Variants in DLGAP1 observed in about 807,000 individuals in gnomAD.
DLGAP1 encodes the protein DLG associated protein 1.
DLGAP1 carries 11 observed loss-of-function variants against 90.8 expected under a neutral mutation model. The ratio of observed to expected loss-of-function variants is 0.12; its 90% CI spans 0.08 to 0.20. The LOEUF is 0.20. DLGAP1 is among the 10% of genes least tolerant of loss of function. DLGAP1 has a pLI of 1.00. For missense variants in DLGAP1, 1,050 were observed against 1,333.8 expected (o/e 0.79, Z 3.31); for synonymous variants, 558 against 540.7 (o/e 1.03, Z -0.44).
intron 2 of DLGAP1, among the ~76,000 whole-genome samples, chr18:4,081,859 A>T (rs2075613165): frequency 1.3e-5 from 2 of 152,138 alleles, no homozygotes; most frequent in African/African-American, 2.4e-5. Context: ...CCTAAAAATC[A>T]TTTACTATGC....
At chr18:4,396,738 T>C (rs1278355481) in intron 1 of DLGAP1, among the ~76,000 whole-genome samples, 1 of 152,152 alleles carries the variant, frequency 6.6e-6, no homozygotes, top group Non-Finnish European at 1.5e-5. Flanking sequence ...TTTTACCACG[T>C]GAGCCAGAAG....
At chr18:3,886,721 A>G (rs2071325397) in intron 3 of DLGAP1, among the ~76,000 whole-genome samples, 1 of 152,210 alleles carries the variant, frequency 6.6e-6, no homozygotes, top group African/African-American at 2.4e-5. Flanking sequence ...GAGAAAGAAA[A>G]GATTTTCTTG....
intron 4 of DLGAP1, among the ~76,000 whole-genome samples, chr18:3,856,063 A>G (rs1300671175): frequency 1.3e-5 from 2 of 152,178 alleles, no homozygotes; most frequent in Non-Finnish European, 2.9e-5. Context: ...ATCACTGGTA[A>G]TATGTGCAAG....
chr18:4,429,415 T>C (rs1396845600), intron 1 of DLGAP1, among the ~76,000 whole-genome samples: 2 of 152,230 alleles, frequency 1.3e-5, no homozygotes, highest in Non-Finnish European at 2.9e-5. Context: ...TCATTTTTTA[T>C]AAAGTGAACA....
intron 1 of DLGAP1, among the ~76,000 whole-genome samples, chr18:4,420,270 A>T (rs944090971): frequency 6.6e-6 from 1 of 152,202 alleles, no homozygotes; most frequent in Non-Finnish European, 1.5e-5. Context: ...TGACAGAACA[A>T]GTACATAGTA....
At chr18:3,700,266 G>C (rs1158311849) in intron 7 of DLGAP1, among the ~76,000 whole-genome samples, 1 of 152,174 alleles carries the variant, frequency 6.6e-6, no homozygotes, top group South Asian at 2.1e-4. Flanking sequence ...GCACCCAAGG[G>C]AATCTCCTGG....
At chr18:3,525,967 G>A (rs1184869335) in intron 10 of DLGAP1, among the ~76,000 whole-genome samples, 6 of 152,168 alleles carry the variant, frequency 3.9e-5, no homozygotes, top group Non-Finnish European at 7.3e-5. Context: ...TGGCACCAGC[G>A]CTGTGCAAAG....
chr18:4,004,514 C>A (rs4798155), intron 3 of DLGAP1, among the ~76,000 whole-genome samples: 33,175 of 151,922 alleles, frequency 0.22, 3,703 homozygotes, highest in African/African-American at 0.23. Flanking sequence ...CCCTGAAATA[C>A]ACATGAATTA....
At chr18:4,226,513 GATATAA>G (rs1370048141) in intron 1 of DLGAP1, among the ~76,000 whole-genome samples, 1 of 151,832 alleles carries the variant, frequency 6.6e-6, no homozygotes, top group Non-Finnish European at 1.5e-5. Context: ...GGTATAATAA[GATATAA>G]ATAGAAATAA....
chr18:4,388,087 C>T (rs966510205), intron 1 of DLGAP1, among the ~76,000 whole-genome samples: 4 of 151,810 alleles, frequency 2.6e-5, no homozygotes, highest in East Asian at 1.9e-4. Context: ...GTGTGGAGGA[C>T]GGAGTGGAAG....
chr18:3,854,054 T>C (rs1019751849), intron 4 of DLGAP1, among the ~76,000 whole-genome samples: 2 of 152,210 alleles, frequency 1.3e-5, no homozygotes, highest in Non-Finnish European at 2.9e-5. Flanking sequence ...ATCTTCTTTA[T>C]GTTCTTAGGT....
At chr18:3,841,450 G>A (rs1008827036) in intron 4 of DLGAP1, among the ~76,000 whole-genome samples, 1 of 152,152 alleles carries the variant, frequency 6.6e-6, no homozygotes, top group Non-Finnish European at 1.5e-5. Context: ...ATGAACACTG[G>A]CAGGCAGTGA....
chr18:3,819,592 T>G (rs1490360507), intron 4 of DLGAP1, among the ~76,000 whole-genome samples: 1 of 152,150 alleles, frequency 6.6e-6, no homozygotes, highest in Non-Finnish European at 1.5e-5. Flanking sequence ...AAACATAAGT[T>G]CACATAATGT....
At chr18:3,800,043 T>C (rs1276382836) in intron 5 of DLGAP1, among the ~76,000 whole-genome samples, 1 of 152,124 alleles carries the variant, frequency 6.6e-6, no homozygotes, top group Non-Finnish European at 1.5e-5. Context: ...CTTCCCATGG[T>C]AGATTGCTTA....
intron 3 of DLGAP1, among the ~76,000 whole-genome samples, chr18:3,917,391 A>G (rs9952720): frequency 0.12 from 18,880 of 152,216 alleles, 2,244 homozygotes; most frequent in African/African-American, 0.31. Context: ...AAGGGAAAGC[A>G]CTGGACGTGA....
chr18:3,900,015 A>G (rs539917888), intron 3 of DLGAP1, among the ~76,000 whole-genome samples: 1 of 152,360 alleles, frequency 6.6e-6, no homozygotes, highest in South Asian at 2.1e-4. Context: ...CCAAAAACAA[A>G]CAAACAAAAA....
At chr18:4,059,604 G>C (rs946699208) in intron 2 of DLGAP1, among the ~76,000 whole-genome samples, 1 of 152,022 alleles carries the variant, frequency 6.6e-6, no homozygotes, top group South Asian at 2.1e-4. Context: ...CCAGCTACTC[G>C]GGAGGCTGAG....
intron 5 of DLGAP1, among the ~76,000 whole-genome samples, chr18:3,764,439 C>T (rs200923413): frequency 6.6e-6 from 1 of 152,050 alleles, no homozygotes; most frequent in South Asian, 2.1e-4. Context: ...GCCCAGGCCT[C>T]GTTTGTTTGT....
chr18:3,699,190 C>T (rs576637958), intron 7 of DLGAP1, among the ~76,000 whole-genome samples: 176 of 152,160 alleles, frequency 1.2e-3, no homozygotes, highest in African/African-American at 4.0e-3. Flanking sequence ...CCCTTGCTGG[C>T]GAGGAGTTGT....
Sources: allele counts gnomAD v4.1 joint callset (sites outside exome capture counted in the v4.1 genomes callset), GRCh38; gene constraint gnomAD v4.1.1; transcripts MANE v1.5; gene names NCBI Gene and HGNC (gene_info 2026-07-23, HGNC 2026-07-21).